ARHGEF1: variants seen among roughly 807,000 people sequenced by gnomAD.
ARHGEF1 encodes the protein Rho guanine nucleotide exchange factor 1.
ARHGEF1 carries 40 observed loss-of-function variants against 119.7 expected under a neutral mutation model. That is an observed-to-expected ratio of 0.33 (90% CI 0.26 to 0.44). The LOEUF is 0.44. ARHGEF1 is among the 20% of genes least tolerant of loss of function. ARHGEF1 has a pLI of 1.00. For synonymous variants in ARHGEF1, 494 were observed against 521.0 expected, an observed-to-expected ratio of 0.95 and a Z score of 0.71; for missense variants, 976 against 1,268.3, an observed-to-expected ratio of 0.77 and a Z score of 3.50.
At chr19:41,912,832 G>C in intron 18 of ARHGEF1, 2 of 1,056,358 alleles carry the variant, frequency 1.9e-6, no homozygotes, top group Non-Finnish European at 2.4e-6. Context: ...GGAAGGGGTG[G>C]GGGAGGTCCG....
chr19:41,909,847 C>T, downstream of ARHGEF1: 16 of 1,595,346 alleles, frequency 1.0e-5, no homozygotes, highest in Non-Finnish European at 1.4e-5. This position sits in a 1 kb window ranked among gnomAD's most constrained non-coding sequence, Gnocchi z 5.2. Context: ...GGATCCAGCC[C>T]CAAGCCCTTC....
At chr19:41,897,023 TC>T (rs1555847891) in intron 13 of ARHGEF1, 2 of 415,630 alleles carry the variant, frequency 4.8e-6, no homozygotes, top group Non-Finnish European at 9.3e-6. Flanking sequence ...TCCATCCCCC[TC>T]CGATCTCCCT....
At chr19:41,898,123 C>A in intron 13 of ARHGEF1, 1 of 1,387,768 alleles carries the variant, frequency 7.2e-7, no homozygotes, top group Non-Finnish European at 9.3e-7. Context: ...CGTATGTCAA[C>A]CCTCTCCCTT....
In ARHGEF1 at chr19:41,892,639, A is replaced by C. The variant is rs782320477; in HGVS notation, c.404A>C (p.Gln135Pro). 6.2e-7 allele frequency: 1 copy of C among 1,611,818 alleles called. No homozygotes were observed. Among genetic ancestry groups the C allele is most frequent in the South Asian group, 1.1e-5 (1 of 90,866 alleles). ...TRADLISEDV[Q>P]RRFVQEVVQS... is the part of the protein sequence containing the mutation. ...GCTGACCTCATCTCCGAGGATGTCC[A>C]GCGGCGGTTCGTGCAGGAGGTGGTG... Residue 135 changes from glutamine to proline, a missense_variant, in exon 7 of 29, where the codon CAG becomes CCG. Coordinates refer to ENST00000354532, the MANE Select transcript of ARHGEF1 (RefSeq NM_004706.4). This position sits in a 1 kb window ranked among gnomAD's most constrained non-coding sequence, Gnocchi z 6.3.
chr19:41,907,536 G>C (rs2074721999), downstream of ARHGEF1: 1 of 812,042 alleles, frequency 1.2e-6, no homozygotes, highest in Admixed American at 3.0e-5. Context: ...TCCTGGGTCT[G>C]TGCCTCTGCG....
In ARHGEF1 at chr19:41,894,679, A is replaced by C. The variant is rs781861081; in HGVS notation, c.877+18A>C. On this transcript the variant is annotated intron_variant, in intron 11 of 28. Coordinates refer to ENST00000354532, the MANE Select transcript of ARHGEF1 (RefSeq NM_004706.4). ...GGTTGATGGTAATGTACCTGTAGCC[A>C]TAGCATCCATACTGGGGGCCTGTGT... The C allele has an allele frequency of 6.2e-7, 1 of 1,613,762 alleles. No individual in the cohort carries two copies. The highest frequency in any genetic ancestry group is 8.5e-7 in the Non-Finnish European group (1 of 1,179,746).
At chr19:41,884,529 G>T in intron 1 of ARHGEF1, 1 of 1,603,596 alleles carries the variant, frequency 6.2e-7, no homozygotes, top group Non-Finnish European at 8.5e-7. Flanking sequence ...GTCAGACCCT[G>T]ACTCTGCACG....
At chr19:41,915,553 C>T (rs1717888382) in intron 18 of ARHGEF1, among the ~76,000 whole-genome samples, 1 of 150,976 alleles carries the variant, frequency 6.6e-6, no homozygotes, top group Non-Finnish European at 1.5e-5. Context: ...CTCCACACCC[C>T]TGTCTCCGTC....
At chr19:41,897,812 A>AC (rs2074537503) in intron 13 of ARHGEF1, 1 of 929,310 alleles carries the variant, frequency 1.1e-6, no homozygotes, top group Non-Finnish European at 1.4e-6. Flanking sequence ...GCCTCTCCCC[A>AC]CCTCTGTCCC....
At position 41,914,827 on chromosome 19, in the gene ARHGEF1, C is replaced by T. The variant is rs191486875; in HGVS notation, c.1865+8024C>T. 1.2e-3 allele frequency among the ~76,000 whole-genome samples: 18 copies of T among 15,616 alleles called. 5 individuals are homozygous for T. The highest frequency in any genetic ancestry group is 2.3e-3 in the Non-Finnish European group (15 of 6,396). 10.2% of individuals were successfully genotyped at this position (15,616 alleles called of 152,430 possible). ...TCCCTCCCCCTCCACCGTGTCTCCC[C>T]CCCTTTCCACCGTCTCTGTCTCTCC... On this transcript the variant is annotated intron_variant, in intron 18 of 20. Transcript: ENST00000599589.
At chr19:41,897,320 G>C in intron 13 of ARHGEF1, 1 of 1,271,002 alleles carries the variant, frequency 7.9e-7, no homozygotes, top group Non-Finnish European at 1.0e-6. Context: ...CCCAGAAGGT[G>C]GAAGAGGTGG....
intron 18 of ARHGEF1, among the ~76,000 whole-genome samples, chr19:41,915,653 A>C (rs2074796305): frequency 6.8e-6 from 1 of 147,414 alleles, no homozygotes; most frequent in Non-Finnish European, 1.5e-5. Context: ...TCCATGCCCC[A>C]TCTCCCTGTC....
Position 41,892,588 on chromosome 19 carries a change from T to C in ARHGEF1, c.368-15T>C, listed in dbSNP as rs1555846446. ...CCAGGGAGCTGGACCCTAGCCCCCA[T>C]GTGTGTCCCTGCAGACCGCACTAGG... On this transcript the variant is annotated splice_polypyrimidine_tract_variant and intron_variant, in intron 6 of 28. Coordinates refer to ENST00000354532, the MANE Select transcript of ARHGEF1 (RefSeq NM_004706.4). The surrounding 1 kb of genome is among the most constrained non-coding windows in gnomAD (Gnocchi z 6.3). 2.5e-6 allele frequency: 4 copies of C among 1,572,396 alleles called. No individual in the cohort carries two copies. Among genetic ancestry groups the C allele is most frequent in the South Asian group, 2.3e-5 (2 of 85,390 alleles).
intron 1 of ARHGEF1, chr19:41,928,013 CCTGCGCCGGCCGCGGCG>C (rs1302144922): frequency 1.3e-5 from 2 of 152,226 alleles, no homozygotes; most frequent in Non-Finnish European, 2.9e-5. Flanking sequence ...CCTCCCCGCC[CCTGCGCCGGCCGCGGCG>C]CTCACTCACT....
At chr19:41,912,529 C>T (rs902238024) in intron 18 of ARHGEF1, among the ~76,000 whole-genome samples, 1 of 152,234 alleles carries the variant, frequency 6.6e-6, no homozygotes, top group Non-Finnish European at 1.5e-5. Context: ...CTTTTCCCCG[C>T]AGGTCCTGCG....
chr19:41,920,361 A>G (rs1555852361), upstream of ARHGEF1, among the ~76,000 whole-genome samples: 1 of 144,328 alleles, frequency 6.9e-6, no homozygotes, highest in Admixed American at 7.0e-5. Flanking sequence ...GACGTGACGC[A>G]CAGACATGAC....
At chr19:41,910,169 A>C, downstream of ARHGEF1, 2 of 1,446,742 alleles carry the variant, frequency 1.4e-6, no homozygotes, top group Non-Finnish European at 1.9e-6. The surrounding 1 kb of genome is among the most constrained non-coding windows in gnomAD (Gnocchi z 4.4). Flanking sequence ...TGCTGGACTC[A>C]GTAACCTGGG....
chr19:41,906,482 T>G lies in ARHGEF1; in HGVS notation c.2517T>G (p.Phe839Leu). The change falls in exon 27 of 29, where the codon TTT becomes TTG. Residue 839 changes from phenylalanine (F) to leucine (L), a missense_variant. By Grantham distance (22) the Phe-to-Leu change is conservative. Coordinates refer to ENST00000354532, the MANE Select transcript of ARHGEF1 (RefSeq NM_004706.4). This position sits in a 1 kb window ranked among gnomAD's most constrained non-coding sequence, Gnocchi z 4.5. ...TGCTGTCCCTGAAGCAGCTTCTGTT[T>G]CCGGCGGAGGAAGACAATGGGGCGG... is the stretch of plus-strand genomic sequence containing the variant. Reference protein sequence around the residue: ...RKVLSLKQLLFPAEEDNGAGP... With the variant: ...RKVLSLKQLLLPAEEDNGAGP... 6.3e-7 allele frequency: 1 copy of G among 1,576,926 alleles called. No homozygotes were observed. The highest frequency in any genetic ancestry group is 8.6e-7 in the Non-Finnish European group (1 of 1,168,914).
At position 41,907,090 on chromosome 19, in the gene ARHGEF1, TC is replaced by T; in HGVS notation, c.*18-13del. 1 of 1,494,880 alleles carries T rather than the reference TC, an allele frequency of 6.7e-7. No homozygotes were observed. The highest frequency in any genetic ancestry group is 8.9e-7 in the Non-Finnish European group (1 of 1,129,186). 92.6% of individuals were successfully genotyped at this position (1,494,880 alleles called of 1,614,324 possible). On this transcript the variant is annotated splice_polypyrimidine_tract_variant and intron_variant, in intron 28 of 28. Transcript: ENST00000354532. The stretch of plus-strand genomic sequence containing the variant: ...CCATCTCTCCCCGTCTCCCCTCTTC[TC>T]CTACATCCCCCAGGCCTTTTGCAAG...
Sources: allele counts gnomAD v4.1 joint callset (sites outside exome capture counted in the v4.1 genomes callset), GRCh38; gene constraint gnomAD v4.1.1; non-coding constraint Gnocchi (gnomAD v3.1); transcripts MANE v1.5; gene names NCBI Gene and HGNC (gene_info 2026-07-23, HGNC 2026-07-21).